Variants in BICRA observed in about 807,000 individuals in gnomAD.
BICRA encodes BRD4-interacting chromatin-remodeling complex-associated protein.
Under a neutral mutation model 96.9 loss-of-function variants are expected in BICRA, and 31 were observed. The ratio of observed to expected loss-of-function variants is 0.32; its 90% confidence interval spans 0.24 to 0.43. The LOEUF is 0.43. BICRA is among the 20% of genes least tolerant of loss of function. BICRA has a pLI of 1.00. For missense variants in BICRA, 2,283 were observed against 2,190.3 expected (o/e 1.04, Z -0.84); for synonymous variants, 1,350 against 1,071.8 (o/e 1.26, Z -5.07).
chr19:47,680,013 G>A lies in BICRA; in HGVS notation c.843G>A (p.Ser281=), dbSNP rs1310643120. 6 of 1,503,858 alleles carry A rather than the reference G, an allele frequency of 4.0e-6. No homozygotes were observed. The highest frequency in any genetic ancestry group is 1.4e-5 in the African/African-American group (1 of 70,050). 93.2% of individuals were successfully genotyped at this position (1,503,858 alleles called of 1,614,324 possible). Residue 281 remains serine, a synonymous_variant, in exon 6 of 15, where the codon TCG becomes TCA. Coordinates refer to ENST00000594866, the MANE Select transcript of BICRA (RefSeq NM_001394372.1). Reference sequence around the variant, plus strand: ...TGACGCTGGCGTCGGCCGGTGTCTCGCCACAGGGGGCTGGCCTGGTCATCC... The same window carrying A: ...TGACGCTGGCGTCGGCCGGTGTCTCACCACAGGGGGCTGGCCTGGTCATCC... ...EPVTLASAGV[S]PQGAGLVIQK...
At chr19:47,685,741 CTGTGTGTGTGTGTGTGTGTGTGTGTGTG>C (rs3074109) in intron 7 of BICRA, among the ~76,000 whole-genome samples, 2 of 115,496 alleles carry the variant, frequency 1.7e-5, no homozygotes, top group African/African-American at 6.5e-5. Flanking sequence ...TTGGCAGCCT[CTGTGTGTGTGTGTGTGTGTGTGTGTGTG>C]TGTGTGTGTG....
At position 47,699,625 on chromosome 19, in the gene BICRA, C is replaced by G. The variant is rs1303217515; in HGVS notation, c.3595+220C>G. On this transcript the variant is annotated intron_variant, in intron 14 of 14. Coordinates refer to ENST00000594866, the MANE Select transcript of BICRA (RefSeq NM_001394372.1). The surrounding 1 kb of genome is among the most constrained non-coding windows in gnomAD (Gnocchi z 5.0). ...CCATCTTCCTCCATCCCTGTGTGGCCCTTCCACCCCCACCACTCTGGGATG... is the reference window on the plus strand; with the variant it reads ...CCATCTTCCTCCATCCCTGTGTGGCGCTTCCACCCCCACCACTCTGGGATG... Among the ~76,000 whole-genome samples the G allele has an allele frequency of 6.6e-6, 1 of 152,156 alleles. No individual in the cohort carries two copies. The highest frequency in any genetic ancestry group is 1.5e-5 in the Non-Finnish European group (1 of 68,028).
chr19:47,701,009 C>A lies in BICRA; in HGVS notation c.3596-319C>A. The A allele has an allele frequency of 2.4e-6, 1 of 409,834 alleles. No individual in the cohort carries two copies. The highest frequency in any genetic ancestry group is 4.4e-6 in the Non-Finnish European group (1 of 227,032). The allele number at this position is 409,834 out of a possible 1,614,324, so 25.4% of individuals were successfully genotyped here. A position where few individuals can be genotyped will look rare whatever the true frequency, so the allele number is the denominator to read the frequency against. On this transcript the variant is annotated intron_variant, in intron 14 of 14. Transcript: ENST00000594866. The surrounding 1 kb of genome is among the most constrained non-coding windows in gnomAD (Gnocchi z 5.4). The stretch of plus-strand genomic sequence containing the variant: ...GCCAGGCAGGTCTCAAACTCCTGGG[C>A]TCAAGCGATCCCCCTCCCTTGGCCT...
intron 1 of BICRA, among the ~76,000 whole-genome samples, chr19:47,658,836 G>A (rs555141482): frequency 6.6e-6 from 1 of 151,724 alleles, no homozygotes; most frequent in Admixed American, 6.6e-5. Flanking sequence ...CTTGGGGAAC[G>A]TTTGTTTTCC....
intron 1 of BICRA, among the ~76,000 whole-genome samples, chr19:47,648,641 G>A (rs1266916676): frequency 6.6e-6 from 1 of 151,668 alleles, no homozygotes; most frequent in Non-Finnish European, 1.5e-5. Context: ...GGGAGGCTGA[G>A]GTGGTGGATC....
chr19:47,686,592 G>A (rs1014473328), intron 7 of BICRA, among the ~76,000 whole-genome samples: 7 of 151,758 alleles, frequency 4.6e-5, no homozygotes, highest in Admixed American at 1.3e-4. Flanking sequence ...CCATGTTGCC[G>A]AGGGTGGTCT....
chr19:47,668,704 C>T (rs1972819665), intron 1 of BICRA, among the ~76,000 whole-genome samples: 1 of 152,032 alleles, frequency 6.6e-6, no homozygotes. Flanking sequence ...GTTGGCCAGG[C>T]TGGTCTCGAA....
chr19:47,655,070 T>G (rs1481224584), intron 1 of BICRA, among the ~76,000 whole-genome samples: 1 of 152,132 alleles, frequency 6.6e-6, no homozygotes, highest in African/African-American at 2.4e-5. Context: ...ACTCACAGAA[T>G]AGCAAAAAAT....
intron 1 of BICRA, among the ~76,000 whole-genome samples, chr19:47,638,030 C>T (rs1972325804): frequency 6.6e-6 from 1 of 152,138 alleles, no homozygotes; most frequent in East Asian, 1.9e-4. Context: ...ATTTCCAGCC[C>T]CTCTCTGCCC....
At chr19:47,655,674 G>GA (rs956345808) in intron 1 of BICRA, among the ~76,000 whole-genome samples, 43 of 151,162 alleles carry the variant, frequency 2.8e-4, no homozygotes, top group African/African-American at 9.5e-4. Context: ...CCAACACGGT[G>GA]AAACCCCATC....
chr19:47,682,146 C>A lies in BICRA; in HGVS notation c.2277C>A (p.Ala759=). The change falls in exon 7 of 15, where the codon GCC becomes GCA. Residue 759 remains alanine, a synonymous_variant. Coordinates refer to ENST00000594866, the MANE Select transcript of BICRA (RefSeq NM_001394372.1). ...ACAGCCAGGCTTCCCCGGCTCCGGC[C>A]CCCCAGGTAGAGGGACCCCAGCAGC... ...APDSQASPAP[A]PQIPAAAPLK... 3 of 1,451,970 alleles carry A rather than the reference C, an allele frequency of 2.1e-6. No individual in the cohort carries two copies. Among genetic ancestry groups the A allele is most frequent in the South Asian group, 1.3e-5 (1 of 79,354 alleles). The allele number at this position is 1,451,970 out of a possible 1,614,324, so 89.9% of individuals were successfully genotyped here. A position where few individuals can be genotyped will look rare whatever the true frequency, so the allele number is the denominator to read the frequency against.
intron 1 of BICRA, among the ~76,000 whole-genome samples, chr19:47,627,904 G>C (rs1193205335): frequency 6.6e-6 from 1 of 152,152 alleles, no homozygotes; most frequent in Admixed American, 6.6e-5. Flanking sequence ...CAAGTAGCTG[G>C]GATTACAGGC....
chr19:47,628,913 C>A lies in BICRA; in HGVS notation c.-108+19745C>A, dbSNP rs1329859263. Among the ~76,000 whole-genome samples the A allele has an allele frequency of 2.0e-5, 3 of 151,908 alleles. No individual in the cohort carries two copies. The East Asian group carries it at 5.8e-4, about 30-fold the overall frequency. ...GTGAGCCACCGCACCTGGCCTTAAT[C>A]ATTTTTAAATGTGCAGTTCAGTAGT... is the stretch of plus-strand genomic sequence containing the variant. On this transcript the variant is annotated intron_variant, in intron 1 of 14. Transcript: ENST00000594866.
Position 47,694,656 on chromosome 19 carries a change from C to A in BICRA, c.2825C>A (p.Thr942Asn), listed in dbSNP as rs768837056. Residue 942 changes from threonine to asparagine, a missense_variant, in exon 8 of 15, where the codon ACC becomes AAC. Thr to Asn is a moderately conservative substitution (Grantham distance 65). Transcript: ENST00000594866. ...PAAPPPPPPR[T>N]FQMVTTPFPA... is the part of the protein sequence containing the mutation. ...GCACCCCCCCCACCGCCTCCTCGGA[C>A]CTTCCAGATGGTGACCACCCCCTTC... 5.0e-6 allele frequency: 8 copies of A among 1,594,746 alleles called. No individual in the cohort carries two copies. The highest frequency in any genetic ancestry group is 6.9e-6 in the Non-Finnish European group (8 of 1,165,406).
rs776546588 is a variant in BICRA at position 47,701,371 on chromosome 19, A to G, written c.3639A>G (p.Ala1213=). 1 of 1,611,332 alleles carries G rather than the reference A, an allele frequency of 6.2e-7. No homozygotes were observed. Among genetic ancestry groups the G allele is most frequent in the Admixed American group, 1.7e-5 (1 of 59,848 alleles). ...SSSRSLGLPI[A]ASSEGHRLPG... ...CCCGCTCGCTCGGCCTCCCCATCGC[A>G]GCCTCTTCCGAGGGTCATCGGCTTC... Residue 1213 remains alanine, a synonymous_variant, in exon 15 of 15, where the codon GCA becomes GCG. Coordinates refer to ENST00000594866, the MANE Select transcript of BICRA (RefSeq NM_001394372.1). The surrounding 1 kb of genome is among the most constrained non-coding windows in gnomAD (Gnocchi z 5.4).
At position 47,682,119 on chromosome 19, in the gene BICRA, C is replaced by G. The variant is rs1160326045; in HGVS notation, c.2250C>G (p.Pro750=). Residue 750 remains proline (P), a synonymous_variant, in exon 7 of 15, where the codon CCC becomes CCG. Coordinates refer to ENST00000594866, the MANE Select transcript of BICRA (RefSeq NM_001394372.1). The part of the protein sequence containing the change: ...AKGAGLGPQA[P]DSQASPAPAP... The stretch of plus-strand genomic sequence containing the variant: ...GAGCTGGCCTCGGCCCTCAGGCCCC[C>G]GACAGCCAGGCTTCCCCGGCTCCGG... 2 of 1,513,140 alleles carry G rather than the reference C, an allele frequency of 1.3e-6. No homozygotes were observed. The highest frequency in any genetic ancestry group is 1.9e-5 in the Admixed American group (1 of 52,632). 93.7% of individuals were successfully genotyped at this position (1,513,140 alleles called of 1,614,324 possible).
At chr19:47,673,444 C>G in intron 2 of BICRA, 126 bp from the exon 3 acceptor site, 2 of 746,612 alleles carry the variant, frequency 2.7e-6, no homozygotes, top group Non-Finnish European at 4.8e-6. Flanking sequence ...CCATCTATCC[C>G]CATGGACTCA....
chr19:47,609,310 G>GCCGAAC (rs1971858024), intron 1 of BICRA, 142 bp downstream of exon 1: 1 of 150,558 alleles, frequency 6.6e-6, no homozygotes, highest in South Asian at 2.1e-4. Context: ...CGGAGCCGGG[G>GCCGAAC]CCGAACCCAC....
chr19:47,637,410 C>T (rs1222319759), intron 1 of BICRA, among the ~76,000 whole-genome samples: 1 of 151,298 alleles, frequency 6.6e-6, no homozygotes, highest in Non-Finnish European at 1.5e-5. Context: ...TGAGCCACTG[C>T]GCCCAGCCTG....
Sources: gnomAD v4.1 joint callset for allele counts (sites outside exome capture counted in the v4.1 genomes callset) on GRCh38, gnomAD v4.1.1 for gene constraint, Gnocchi (gnomAD v3.1) non-coding constraint, MANE v1.5 for transcripts, NCBI Gene and HGNC (gene_info 2026-07-23, HGNC 2026-07-21) for gene names.